Variants in NKAIN3 observed in about 807,000 individuals in gnomAD.
The protein encoded by NKAIN3 is sodium/potassium transporting ATPase interacting 3.
A neutral mutation model predicts 30.2 loss-of-function variants in NKAIN3; 25 were observed. The observed-to-expected ratio is 0.83, with a 90% CI of 0.60 to 1.16. NKAIN3 has a LOEUF of 1.16. Ranked by LOEUF, NKAIN3 falls within the 50% of genes most tolerant of loss-of-function variation. The pLI is 0.00. For missense variants in NKAIN3, 225 were observed against 254.1 expected (o/e 0.89, Z 0.78); for synonymous variants, 91 against 89.6 (o/e 1.02, Z -0.09).
At chr8:62,690,781 C>G (rs1813943191) in intron 3 of NKAIN3, among the ~76,000 whole-genome samples, 1 of 152,188 alleles carries the variant, frequency 6.6e-6, no homozygotes, top group Non-Finnish European at 1.5e-5. Context: ...TCTGAATAAG[C>G]TAACCTCTGG....
intron 3 of NKAIN3, among the ~76,000 whole-genome samples, chr8:62,727,372 A>T (rs1815292465): frequency 6.6e-6 from 1 of 152,164 alleles, no homozygotes; most frequent in Non-Finnish European, 1.5e-5. Context: ...ACAAAAGGAA[A>T]CAAAAGATAT....
chr8:62,996,791 G>T (rs1310963846), intron 5 of NKAIN3, among the ~76,000 whole-genome samples: 1 of 152,160 alleles, frequency 6.6e-6, no homozygotes, highest in Non-Finnish European at 1.5e-5. Flanking sequence ...AATCTTAAAG[G>T]TCCGTAATGA....
intron 4 of NKAIN3, among the ~76,000 whole-genome samples, chr8:62,795,215 TTA>T (rs1817824897): frequency 6.6e-6 from 1 of 152,196 alleles, no homozygotes. Flanking sequence ...TGCTAAAACC[TTA>T]TCCTGATTAT....
chr8:62,290,299 G>A (rs1229665575), intron 1 of NKAIN3, among the ~76,000 whole-genome samples: 1 of 152,164 alleles, frequency 6.6e-6, no homozygotes, highest in East Asian at 1.9e-4. Context: ...AGTGGTGAGA[G>A]AGGGCATCCC....
At chr8:62,634,044 T>A (rs548923461) in intron 3 of NKAIN3, among the ~76,000 whole-genome samples, 4 of 152,206 alleles carry the variant, frequency 2.6e-5, no homozygotes, top group African/African-American at 7.2e-5. Flanking sequence ...AACCAAGGAA[T>A]AAGAAATGCA....
rs1403288864 is a variant in NKAIN3, at chr8:62,982,020, C to G, written c.*16613C>G. On this transcript the variant is annotated 3_prime_UTR_variant, in exon 7 of 7. Transcript: ENST00000623646. ...TTATGTAAATAAGCAGAAATAATGG[C>G]AATAATTAAACACACTATCTCTACC... 2.0e-5 allele frequency: 3 copies of G among 151,898 alleles called. No homozygotes were observed. The highest frequency in any genetic ancestry group is 7.3e-5 in the African/African-American group (3 of 41,364). The allele number at this position is 151,898 out of a possible 1,614,324, so 9.4% of individuals were successfully genotyped here.
chr8:62,412,681 G>A (rs1355329047), intron 1 of NKAIN3, among the ~76,000 whole-genome samples: 1 of 151,742 alleles, frequency 6.6e-6, no homozygotes, highest in African/African-American at 2.4e-5. Context: ...GAACATTTAA[G>A]GTCAGGAGTT....
intron 3 of NKAIN3, among the ~76,000 whole-genome samples, chr8:62,741,416 AAGGAAG>A (rs1563540798): frequency 7.8e-6 from 1 of 128,324 alleles, no homozygotes; most frequent in Non-Finnish European, 1.6e-5. Flanking sequence ...GGAAGGAAGG[AAGGAAG>A]GCAGGCAAGC....
intron 4 of NKAIN3, among the ~76,000 whole-genome samples, chr8:62,840,130 C>T (rs1272589477): frequency 1.3e-5 from 2 of 152,178 alleles, no homozygotes; most frequent in African/African-American, 4.8e-5. Flanking sequence ...AATACGAGCT[C>T]AGCCTTACTG....
At position 62,389,794 on chromosome 8, in the gene NKAIN3, G is replaced by A. The variant is rs1012055138; in HGVS notation, c.54+140667G>A. 2.0e-5 allele frequency among the ~76,000 whole-genome samples: 3 copies of A among 152,250 alleles called. No homozygotes were observed. In the Middle Eastern group the frequency reaches 0.01, roughly 518 times the overall value. On this transcript the variant is annotated intron_variant, in intron 1 of 6. Coordinates refer to ENST00000623646, the MANE Select transcript of NKAIN3 (RefSeq NM_001304533.3). Reference sequence around the variant, plus strand: ...GAATGCAATTAAGTGTCCAGGCCTTGTGGGTGTCATTTAGGGCTCAGTAGC... The same window carrying A: ...GAATGCAATTAAGTGTCCAGGCCTTATGGGTGTCATTTAGGGCTCAGTAGC...
chr8:62,956,069 C>A (rs1823409912), intron 6 of NKAIN3, among the ~76,000 whole-genome samples: 1 of 152,126 alleles, frequency 6.6e-6, no homozygotes, highest in African/African-American at 2.4e-5. Context: ...GTGCATGAAA[C>A]AATTTAAGAG....
intron 4 of NKAIN3, among the ~76,000 whole-genome samples, chr8:62,830,143 T>C (rs1266475749): frequency 4.6e-5 from 7 of 152,148 alleles, no homozygotes; most frequent in African/African-American, 2.4e-5. Context: ...CTAAGAGTCA[T>C]GATAGAACAT....
intron 4 of NKAIN3, among the ~76,000 whole-genome samples, chr8:62,829,755 G>C (rs1157581156): frequency 6.6e-6 from 1 of 151,328 alleles, no homozygotes; most frequent in African/African-American, 2.4e-5. Flanking sequence ...TAGATAGATA[G>C]ATAGATAGAT....
intron 4 of NKAIN3, among the ~76,000 whole-genome samples, chr8:62,798,536 C>A (rs200859211): frequency 1.3e-5 from 2 of 151,722 alleles, no homozygotes; most frequent in Non-Finnish European, 2.9e-5. Context: ...TGCACCACTG[C>A]ACTCCAGCCT....
intron 3 of NKAIN3, among the ~76,000 whole-genome samples, chr8:62,721,148 CAG>C (rs2130518230): frequency 6.6e-6 from 1 of 152,248 alleles, no homozygotes; most frequent in South Asian, 2.1e-4. Context: ...ATCCCTGTAG[CAG>C]AGTCACATAT....
At chr8:62,729,040 CA>C (rs1317282077) in intron 3 of NKAIN3, among the ~76,000 whole-genome samples, 7 of 61,196 alleles carry the variant, frequency 1.1e-4, no homozygotes, top group East Asian at 7.6e-4. Flanking sequence ...AAAAAAAAAA[CA>C]AAAAAAAAAA....
At chr8:62,942,100 G>A (rs960326949) in intron 5 of NKAIN3, among the ~76,000 whole-genome samples, 1 of 151,282 alleles carries the variant, frequency 6.6e-6, no homozygotes, top group East Asian at 1.9e-4. Flanking sequence ...CAAATCAGTA[G>A]CAGTGCTGTA....
intron 1 of NKAIN3, among the ~76,000 whole-genome samples, chr8:62,399,702 C>G (rs1381850652): frequency 6.6e-6 from 1 of 152,136 alleles, no homozygotes; most frequent in Non-Finnish European, 1.5e-5. Context: ...ATTAACTACA[C>G]CTTAGAATGG....
chr8:62,577,821 C>G (rs916192229), intron 1 of NKAIN3, among the ~76,000 whole-genome samples: 3 of 152,044 alleles, frequency 2.0e-5, no homozygotes, highest in South Asian at 2.1e-4. Context: ...TCATATCACT[C>G]CATGATCAGG....
Sources: gnomAD v4.1 joint callset for allele counts (sites outside exome capture counted in the v4.1 genomes callset) on GRCh38, gnomAD v4.1.1 for gene constraint, MANE v1.5 for transcripts, NCBI Gene and HGNC (gene_info 2026-07-23, HGNC 2026-07-21) for gene names.